Variants in WDPCP observed in about 807,000 individuals in gnomAD.
WDPCP encodes the protein WD repeat-containing and planar cell polarity effector protein fritz homolog.
In WDPCP, 71 loss-of-function variants were observed where a neutral mutation model predicts 93.1. The observed-to-expected ratio is 0.76, with a 90% CI of 0.63 to 0.93. The LOEUF (loss-of-function observed/expected upper bound fraction) is 0.93. Among genes scored for constraint, WDPCP ranks in the 40% least tolerant of loss-of-function variants. The pLI, the probability that WDPCP is intolerant of heterozygous loss-of-function variation, is 0.00. For synonymous variants in WDPCP, 315 were observed against 315.0 expected (o/e 1.00, Z 0.00); for missense variants, 844 against 887.4 (o/e 0.95, Z 0.62).
chr2:63,502,616 A>G (rs1179392016), intron 1 of WDPCP, among the ~76,000 whole-genome samples: 1 of 152,002 alleles, frequency 6.6e-6, no homozygotes, highest in Non-Finnish European at 1.5e-5. Context: ...TCCCTCTATA[A>G]ATTACCTGTT....
At chr2:63,797,417 C>T (rs184353635) in intron 2 of WDPCP, among the ~76,000 whole-genome samples, 43 of 152,058 alleles carry the variant, frequency 2.8e-4, no homozygotes, top group Admixed American at 2.2e-3. Context: ...GGCCCCTGGA[C>T]GGCATTTCTG....
intron 12 of WDPCP, among the ~76,000 whole-genome samples, chr2:63,339,841 C>T (rs1027357719): frequency 2.0e-5 from 3 of 151,922 alleles, no homozygotes; most frequent in African/African-American, 7.3e-5. Context: ...TCATAGATGG[C>T]CTTTATTATT....
intron 2 of WDPCP, among the ~76,000 whole-genome samples, chr2:63,492,228 T>G (rs1281023145): frequency 6.6e-6 from 1 of 152,160 alleles, no homozygotes; most frequent in African/African-American, 2.4e-5. Flanking sequence ...ATAAAGATTT[T>G]TTAAAGATAT....
At chr2:63,456,624 T>C (rs1698637933) in intron 6 of WDPCP, among the ~76,000 whole-genome samples, 1 of 151,084 alleles carries the variant, frequency 6.6e-6, no homozygotes, top group African/African-American at 2.4e-5. Context: ...CAAGAACAAA[T>C]CAAACCCCAA....
chr2:63,457,775 C>T (rs1698726324), intron 6 of WDPCP, among the ~76,000 whole-genome samples: 1 of 152,096 alleles, frequency 6.6e-6, no homozygotes, highest in African/African-American at 2.4e-5. Flanking sequence ...TAAAAACTCT[C>T]AACAAACTAG....
rs1302628648 is a variant in WDPCP, at chr2:63,419,236, G to C, written c.825+14509C>G. Among the ~76,000 whole-genome samples the C allele has an allele frequency of 3.9e-5, 6 of 152,214 alleles. No homozygotes were observed. In the East Asian group the frequency reaches 1.2e-3, roughly 29 times the overall value. ...TGGCTCACTGCAACCTCCACCTCCC[G>C]GGTTCAAGCAATTCTCTGCCTCAGC... On this transcript the variant is annotated intron_variant, in intron 9 of 17. Transcript: ENST00000272321.
chr2:63,661,226 A>G (rs1298559526), intron 2 of WDPCP, among the ~76,000 whole-genome samples: 1 of 152,222 alleles, frequency 6.6e-6, no homozygotes, highest in Non-Finnish European at 1.5e-5. Flanking sequence ...ATCTGGGAAC[A>G]TCTCATTTAA....
At chr2:63,380,276 A>G (rs763387592) in intron 11 of WDPCP, among the ~76,000 whole-genome samples, 1 of 152,000 alleles carries the variant, frequency 6.6e-6, no homozygotes, top group Non-Finnish European at 1.5e-5. Flanking sequence ...ATTACAGTAT[A>G]TCAATACTAA....
chr2:63,763,906 T>A (rs992444626), intron 2 of WDPCP, among the ~76,000 whole-genome samples: 1 of 152,140 alleles, frequency 6.6e-6, no homozygotes, highest in Non-Finnish European at 1.5e-5. Flanking sequence ...CTCTAGGGAA[T>A]TCTATGACCT....
At chr2:63,736,179 T>G (rs760422959) in intron 2 of WDPCP, among the ~76,000 whole-genome samples, 4 of 152,230 alleles carry the variant, frequency 2.6e-5, no homozygotes. Context: ...CTCATCTCAT[T>G]AATGCATATT....
chr2:63,135,798 T>C (rs1420049695), intron 17 of WDPCP, among the ~76,000 whole-genome samples: 1 of 151,940 alleles, frequency 6.6e-6, no homozygotes, highest in Non-Finnish European at 1.5e-5. Flanking sequence ...GAGGTGTGAT[T>C]ATGGCCTACT....
intron 1 of WDPCP, among the ~76,000 whole-genome samples, chr2:63,511,437 C>G (rs1036358183): frequency 4.6e-5 from 7 of 152,072 alleles, no homozygotes; most frequent in Non-Finnish European, 1.0e-4. Context: ...CCCGTAGAGC[C>G]AAGACAATCC....
intron 3 of WDPCP, 132 bp from the exon 4 acceptor site, chr2:63,486,718 T>C (rs1700594497): frequency 1.3e-6 from 1 of 783,746 alleles, no homozygotes; most frequent in Non-Finnish European, 2.0e-6. Flanking sequence ...GATTAATAAA[T>C]TATGCTTAGG....
chr2:63,272,197 A>C (rs1243037690), intron 13 of WDPCP, among the ~76,000 whole-genome samples: 1 of 152,172 alleles, frequency 6.6e-6, no homozygotes, highest in Non-Finnish European at 1.5e-5. Context: ...TTTCACTAAC[A>C]ACTGCAGCCC....
At chr2:63,504,219 T>C (rs1025041607) in intron 1 of WDPCP, among the ~76,000 whole-genome samples, 2 of 151,910 alleles carry the variant, frequency 1.3e-5, no homozygotes, top group Non-Finnish European at 2.9e-5. Flanking sequence ...CCTCCTAACA[T>C]GGGGAATAGA....
At chr2:63,646,621 C>A (rs998935367) in intron 3 of WDPCP, among the ~76,000 whole-genome samples, 1 of 151,956 alleles carries the variant, frequency 6.6e-6, no homozygotes, top group African/African-American at 2.4e-5. Context: ...CTTTTGTTCG[C>A]TTGGTAAAGT....
At chr2:63,788,204 C>T (rs571790124) in intron 2 of WDPCP, among the ~76,000 whole-genome samples, 10 of 152,112 alleles carry the variant, frequency 6.6e-5, no homozygotes, top group African/African-American at 2.2e-4. Context: ...TCAAGACACA[C>T]GTACAAACAA....
chr2:63,414,199 T>C (rs1695231856), intron 9 of WDPCP, among the ~76,000 whole-genome samples: 1 of 152,112 alleles, frequency 6.6e-6, no homozygotes, highest in African/African-American at 2.4e-5. Flanking sequence ...ATGGATGCAG[T>C]GATCAGAGAA....
At position 63,437,309 on chromosome 2, in the gene WDPCP, G is replaced by C. The variant is rs141320683; in HGVS notation, c.633+112C>G. The C allele has an allele frequency of 1.2e-3, 1,150 of 952,128 alleles. 3 individuals carry two copies. Among genetic ancestry groups the C allele is most frequent in the Middle Eastern group, 1.4e-3 (4 of 2,786 alleles). 59.0% of individuals were successfully genotyped at this position (952,128 alleles called of 1,614,324 possible). On this transcript the variant is annotated intron_variant, in intron 8 of 17. Coordinates refer to ENST00000272321, the MANE Select transcript of WDPCP (RefSeq NM_015910.7). ...TAAGCTTAATCCTGTAATATTTCCAGTTTTTCTGAAATCCAGAAATGTTGA... is the reference window on the plus strand; with the variant it reads ...TAAGCTTAATCCTGTAATATTTCCACTTTTTCTGAAATCCAGAAATGTTGA...
Sources: allele counts gnomAD v4.1 joint callset (sites outside exome capture counted in the v4.1 genomes callset), GRCh38; gene constraint gnomAD v4.1.1; transcripts MANE v1.5; gene names NCBI Gene and HGNC (gene_info 2026-07-23, HGNC 2026-07-21).